TTC28: variants seen among roughly 807,000 people sequenced by gnomAD.
The protein encoded by TTC28 is tetratricopeptide repeat protein 28.
A neutral mutation model predicts 198.0 loss-of-function variants in TTC28; 61 were observed. That is an observed-to-expected ratio of 0.31 (90% CI 0.25 to 0.38). TTC28 has a LOEUF of 0.38. TTC28 is among the 10% of genes least tolerant of loss of function. The pLI, the probability that TTC28 is intolerant of heterozygous loss-of-function variation, is 1.00. For missense variants in TTC28, 2,678 were observed against 3,164.0 expected, an observed-to-expected ratio of 0.85 and a Z score of 3.69; for synonymous variants, 1,171 against 1,297.8, an observed-to-expected ratio of 0.90 and a Z score of 2.10.
intron 1 of TTC28, among the ~76,000 whole-genome samples, chr22:28,642,436 A>AG (rs2051383759): frequency 6.6e-6 from 1 of 151,446 alleles, no homozygotes; most frequent in Non-Finnish European, 1.5e-5. Context: ...TGCCGTTTAA[A>AG]AAAAAAAACA....
At chr22:27,990,950 GGA>G in intron 19 of TTC28, 138 bp from the exon 20 acceptor site, 1 of 840,852 alleles carries the variant, frequency 1.2e-6, no homozygotes, top group Non-Finnish European at 1.8e-6. Flanking sequence ...GACTGGGAGG[GGA>G]GAGGAGCAAG....
At chr22:28,201,435 A>G (rs2147154010) in intron 5 of TTC28, among the ~76,000 whole-genome samples, 1 of 152,264 alleles carries the variant, frequency 6.6e-6, no homozygotes, top group East Asian at 1.9e-4. Context: ...AAGGCTTATC[A>G]GAGAAACTGA....
chr22:28,152,970 G>A (rs1271995797), intron 6 of TTC28, among the ~76,000 whole-genome samples: 5 of 151,858 alleles, frequency 3.3e-5, no homozygotes, highest in Non-Finnish European at 7.4e-5. Flanking sequence ...ACTAGGTTTC[G>A]TGTGTGTTCA....
chr22:28,354,919 C>G (rs1241837111), intron 2 of TTC28, among the ~76,000 whole-genome samples: 1 of 151,400 alleles, frequency 6.6e-6, no homozygotes, highest in African/African-American at 2.4e-5. Context: ...GTGCGCTGCA[C>G]CCACTAACTC....
chr22:28,602,314 C>A (rs574362507), intron 2 of TTC28, among the ~76,000 whole-genome samples: 1 of 152,086 alleles, frequency 6.6e-6, no homozygotes, highest in Non-Finnish European at 1.5e-5. Flanking sequence ...CTTCTTGCCA[C>A]GTAATTGATC....
intron 2 of TTC28, among the ~76,000 whole-genome samples, chr22:28,411,667 T>C (rs1373323613): frequency 6.6e-6 from 1 of 152,246 alleles, no homozygotes; most frequent in Non-Finnish European, 1.5e-5. Flanking sequence ...TAGCTTTTAC[T>C]ATTGATGATC....
chr22:28,331,779 C>T (rs971981523), intron 2 of TTC28, among the ~76,000 whole-genome samples: 1 of 152,046 alleles, frequency 6.6e-6, no homozygotes, highest in Non-Finnish European at 1.5e-5. Context: ...TTTTATGTGG[C>T]TAAGCATGCT....
chr22:28,151,483 C>T (rs1943607610), intron 6 of TTC28, among the ~76,000 whole-genome samples: 1 of 152,196 alleles, frequency 6.6e-6, no homozygotes, highest in African/African-American at 2.4e-5. Flanking sequence ...CACATGTTTA[C>T]AGATGCACAG....
chr22:28,277,398 G>GA (rs1486317915), intron 5 of TTC28, among the ~76,000 whole-genome samples: 2 of 152,148 alleles, frequency 1.3e-5, no homozygotes, highest in Non-Finnish European at 2.9e-5. Flanking sequence ...ACTGAAATAA[G>GA]AAAGGATTCC....
chr22:28,193,034 C>A (rs756493334), intron 5 of TTC28, among the ~76,000 whole-genome samples: 2 of 152,112 alleles, frequency 1.3e-5, no homozygotes, highest in Non-Finnish European at 2.9e-5. Context: ...TAAGGGCAGC[C>A]AGAGAGAAAG....
At chr22:28,256,421 C>CAAA (rs60958364) in intron 5 of TTC28, among the ~76,000 whole-genome samples, 1 of 65,304 alleles carries the variant, frequency 1.5e-5, no homozygotes, top group Non-Finnish European at 3.2e-5. Flanking sequence ...AACTCCGTCT[C>CAAA]AAAAAAAAAA....
At chr22:28,197,533 A>T (rs569982025) in intron 5 of TTC28, among the ~76,000 whole-genome samples, 1 of 152,302 alleles carries the variant, frequency 6.6e-6, no homozygotes, top group Admixed American at 6.5e-5. Flanking sequence ...CTTCATCTCT[A>T]AAATGGGGAA....
chr22:28,657,907 T>C (rs2051685680), intron 1 of TTC28, among the ~76,000 whole-genome samples: 1 of 151,976 alleles, frequency 6.6e-6, no homozygotes. Flanking sequence ...TGATTGAAGC[T>C]CAAAAATATG....
chr22:28,190,094 G>A (rs1041695574), intron 5 of TTC28, among the ~76,000 whole-genome samples: 4 of 152,270 alleles, frequency 2.6e-5, no homozygotes, highest in Admixed American at 2.0e-4. Context: ...TGGTCACCAT[G>A]GTCACACAGC....
At chr22:28,650,348 G>A (rs1452075474) in intron 1 of TTC28, among the ~76,000 whole-genome samples, 1 of 152,158 alleles carries the variant, frequency 6.6e-6, no homozygotes, top group African/African-American at 2.4e-5. Context: ...TACAAAAATA[G>A]AAAATAGCTC....
At chr22:28,032,267 AGTGTG>A (rs1184736408) in intron 12 of TTC28, among the ~76,000 whole-genome samples, 3 of 78,708 alleles carry the variant, frequency 3.8e-5, no homozygotes, top group African/African-American at 6.3e-5. Flanking sequence ...ATATATATAT[AGTGTG>A]TGTGTGTGTG....
At chr22:28,533,116 T>C (rs137989702) in intron 2 of TTC28, among the ~76,000 whole-genome samples, 18 of 152,286 alleles carry the variant, frequency 1.2e-4, no homozygotes, top group African/African-American at 4.3e-4. Flanking sequence ...GAAGTCAAAT[T>C]GTCCCTGTTT....
chr22:28,283,335 C>A (rs1438894085), intron 5 of TTC28, among the ~76,000 whole-genome samples: 1 of 151,890 alleles, frequency 6.6e-6, no homozygotes, highest in African/African-American at 2.4e-5. Flanking sequence ...TACACACACA[C>A]ACACACACAC....
chr22:28,320,719 T>C (rs2045432506), intron 2 of TTC28, among the ~76,000 whole-genome samples: 1 of 152,188 alleles, frequency 6.6e-6, no homozygotes, highest in Admixed American at 6.5e-5. Context: ...CAAAAGTCAA[T>C]CTAAGAGAGA....
Sources: allele counts gnomAD v4.1 joint callset (sites outside exome capture counted in the v4.1 genomes callset), GRCh38; gene constraint gnomAD v4.1.1; transcripts MANE v1.5; gene names NCBI Gene and HGNC (gene_info 2026-07-23, HGNC 2026-07-21).